Variants in HADH observed in about 807,000 individuals in gnomAD.
HADH encodes hydroxyacyl-coenzyme A dehydrogenase, mitochondrial.
HADH carries 24 observed loss-of-function variants against 32.2 expected under a neutral mutation model. The ratio of observed to expected loss-of-function variants is 0.75; its 90% CI spans 0.54 to 1.05. HADH has a LOEUF of 1.05. HADH is among the 50% of genes least tolerant of loss of function. The pLI is 0.00. For missense variants in HADH, 350 were observed against 397.1 expected, an observed-to-expected ratio of 0.88 and a Z score of 1.01; for synonymous variants, 139 against 152.5, an observed-to-expected ratio of 0.91 and a Z score of 0.65.
chr4:108,034,201 A>C, intron 7 of HADH, 38 bp from the exon 8 acceptor site: 1 of 1,301,788 alleles, frequency 7.7e-7, no homozygotes, highest in Non-Finnish European at 1.1e-6. Flanking sequence ...AAATAAACCC[A>C]GCACTTCATC....
At chr4:108,005,035 T>G in intron 1 of HADH, 2 of 657,022 alleles carry the variant, frequency 3.0e-6, no homozygotes, top group Non-Finnish European at 2.5e-6. Context: ...TCACCATATA[T>G]ACCTTCTTTT....
chr4:108,027,394 T>C (rs765448609), intron 5 of HADH: 9 of 480,804 alleles, frequency 1.9e-5, no homozygotes, highest in Non-Finnish European at 3.4e-5. Flanking sequence ...TGAACCCAAA[T>C]CTGTCTCTCC....
intron 3 of HADH, 79 bp from the exon 4 acceptor site, chr4:108,019,461 T>C: frequency 7.7e-7 from 1 of 1,294,454 alleles, no homozygotes; most frequent in Non-Finnish European, 1.1e-6. Flanking sequence ...GCAGTCACCT[T>C]GTGCATTGCA....
chr4:108,018,825 A>G (rs955850177), intron 3 of HADH, among the ~76,000 whole-genome samples: 4 of 152,108 alleles, frequency 2.6e-5, no homozygotes, highest in Admixed American at 6.5e-5. Flanking sequence ...TTTTCCTCTC[A>G]TGCTTTTGGC....
chr4:108,004,219 TCACCTTACAAG>T (rs1252479736), intron 1 of HADH, among the ~76,000 whole-genome samples: 6 of 152,214 alleles, frequency 3.9e-5, no homozygotes, highest in African/African-American at 1.4e-4. Flanking sequence ...TTTTGTTTGT[TCACCTTACAAG>T]GCAGGTGTTG....
chr4:108,004,966 G>T (rs1417885991), intron 1 of HADH: 9 of 1,393,102 alleles, frequency 6.5e-6, no homozygotes, highest in Non-Finnish European at 7.9e-6. Flanking sequence ...GTACTAAAAG[G>T]AATGTTAAAC....
intron 7 of HADH, 96 bp from the exon 8 acceptor site, chr4:108,034,143 C>G: frequency 1.2e-6 from 1 of 865,368 alleles, no homozygotes; most frequent in South Asian, 1.3e-5. Context: ...GGCTCTCCCA[C>G]ATCAGAGGCA....
intron 3 of HADH, among the ~76,000 whole-genome samples, chr4:108,018,759 G>A (rs1735779882): frequency 6.6e-6 from 1 of 152,138 alleles, no homozygotes; most frequent in African/African-American, 2.4e-5. Flanking sequence ...CTGTTTGTAT[G>A]TTTTTATCCG....
intron 1 of HADH, among the ~76,000 whole-genome samples, chr4:108,002,285 G>T (rs549801173): frequency 6.6e-6 from 1 of 152,284 alleles, no homozygotes; most frequent in Admixed American, 6.5e-5. Context: ...TGCTACCTGA[G>T]CTCTGCCTCC....
At chr4:108,009,173 C>A (rs1040950250) in intron 1 of HADH, among the ~76,000 whole-genome samples, 1 of 152,242 alleles carries the variant, frequency 6.6e-6, no homozygotes, top group East Asian at 1.9e-4. Flanking sequence ...AGTTTAAATT[C>A]TTACCTATTA....
chr4:108,027,490 T>C (rs1040992859), intron 5 of HADH, 198 bp from the exon 6 acceptor site: 1 of 639,260 alleles, frequency 1.6e-6, no homozygotes. Flanking sequence ...GGTTTGAATG[T>C]TTTTTTAAGT....
In HADH at chr4:108,011,372, G is replaced by A. The variant is rs148478107; in HGVS notation, c.261+1485G>A. Among the ~76,000 whole-genome samples, 407 of 152,304 alleles carry A rather than the reference G, an allele frequency of 2.7e-3. 4 individuals are homozygous for A. Among genetic ancestry groups the A allele is most frequent in the African/African-American group, 8.8e-3 (367 of 41,572 alleles). On this transcript the variant is annotated intron_variant, in intron 2 of 7. Transcript: ENST00000309522. ...AGGCCTTACAATCATGGTAGAAGGC[G>A]AAGGAAGAACAAAGTCATGTCTTAC...
chr4:108,005,309 G>T (rs1216757187), intron 1 of HADH: 1 of 158,380 alleles, frequency 6.3e-6, no homozygotes, highest in Admixed American at 6.2e-5. Flanking sequence ...ATGTGCATTT[G>T]TGTTCATATT....
chr4:108,019,952 C>T (rs774663862), intron 4 of HADH, among the ~76,000 whole-genome samples: 1 of 152,222 alleles, frequency 6.6e-6, no homozygotes, highest in Non-Finnish European at 1.5e-5. Context: ...AATGGGAAGG[C>T]AGCACTAGAA....
At chr4:107,991,178 C>A (rs1222303971) in intron 1 of HADH, among the ~76,000 whole-genome samples, 1 of 151,666 alleles carries the variant, frequency 6.6e-6, no homozygotes, top group South Asian at 2.1e-4. Context: ...AAAATTATTC[C>A]ATTTCAGCTC....
chr4:108,023,238 C>T (rs947033231), intron 4 of HADH, among the ~76,000 whole-genome samples: 25 of 152,262 alleles, frequency 1.6e-4, no homozygotes, highest in African/African-American at 4.8e-4. Context: ...ATGATCTGCC[C>T]GCTTCAGCCT....
At chr4:108,009,030 C>T (rs981733495) in intron 1 of HADH, among the ~76,000 whole-genome samples, 4 of 152,200 alleles carry the variant, frequency 2.6e-5, no homozygotes, top group South Asian at 2.1e-4. Context: ...GGATTCCTCC[C>T]TCAGCCAGGG....
chr4:108,020,280 A>C (rs1295330467), intron 4 of HADH, among the ~76,000 whole-genome samples: 1 of 152,148 alleles, frequency 6.6e-6, no homozygotes, highest in African/African-American at 2.4e-5. Flanking sequence ...AGAACAGCCT[A>C]GGCAACATGG....
chr4:108,001,557 C>T (rs1735118883), intron 1 of HADH, among the ~76,000 whole-genome samples: 1 of 152,220 alleles, frequency 6.6e-6, no homozygotes, highest in South Asian at 2.1e-4. Context: ...TGATAAGTTA[C>T]AGTAGTCCCC....
Sources: allele counts gnomAD v4.1 joint callset (sites outside exome capture counted in the v4.1 genomes callset), GRCh38; gene constraint gnomAD v4.1.1; transcripts MANE v1.5; gene names NCBI Gene and HGNC (gene_info 2026-07-23, HGNC 2026-07-21).